The following CCDC97 variants were observed in gnomAD, a reference collection of about 807,000 sequenced individuals.
The protein encoded by CCDC97 is coiled-coil domain containing 97.
CCDC97 carries 27 observed loss-of-function variants against 33.9 expected under a neutral mutation model. The ratio of observed to expected loss-of-function variants is 0.80; its 90% CI spans 0.59 to 1.10. The LOEUF (loss-of-function observed/expected upper bound fraction) is 1.10, where lower values mean the gene tolerates loss of function less well. Ranked by LOEUF, CCDC97 falls within the 50% of genes least tolerant of loss-of-function variation. CCDC97 has a pLI of 0.00. For missense variants in CCDC97, 422 were observed against 476.6 expected, an observed-to-expected ratio of 0.89 and a Z score of 1.07; for synonymous variants, 217 against 194.0, an observed-to-expected ratio of 1.12 and a Z score of -0.99.
In CCDC97 at chr19:41,319,671, C is replaced by G. The variant is rs115805108; in HGVS notation, c.600C>G (p.Ala200=). 2.5e-6 allele frequency: 4 copies of G among 1,613,984 alleles called. No individual in the cohort carries two copies. The Admixed American group carries it at 5.0e-5, about 20-fold the overall frequency. The change falls in exon 3 of 5, where the codon GCC becomes GCG. Residue 200 remains alanine (A), a synonymous_variant. Coordinates refer to ENST00000269967, the MANE Select transcript of CCDC97 (RefSeq NM_052848.3). ...GQYLTQEELS[A]RTPTHQPPKP... is the part of the protein sequence containing the mutation. ...ATCTCACCCAGGAGGAGCTCAGTGC[C>G]CGCACCCCAACCCACCAGCCCCCCA... is the stretch of plus-strand genomic sequence containing the variant.
intron 1 of CCDC97, among the ~76,000 whole-genome samples, chr19:41,315,085 A>C (rs1265910285): frequency 1.3e-5 from 2 of 148,992 alleles, no homozygotes; most frequent in Non-Finnish European, 3.0e-5. Context: ...GTGGATCACG[A>C]GGTCAGGAGT....
intron 1 of CCDC97, among the ~76,000 whole-genome samples, chr19:41,315,791 AAAAAAT>A (rs1199878626): frequency 1.3e-5 from 2 of 152,002 alleles, no homozygotes; most frequent in South Asian, 4.2e-4. Context: ...CTTATCTCTT[AAAAAAT>A]AAAAATAAAA....
At chr19:41,318,898 T>C (rs1475434728) in intron 2 of CCDC97, among the ~76,000 whole-genome samples, 2 of 151,914 alleles carry the variant, frequency 1.3e-5, no homozygotes, top group Non-Finnish European at 2.9e-5. Flanking sequence ...TGTACACACA[T>C]ACACGCCCCA....
intron 1 of CCDC97, 127 bp downstream of exon 1, chr19:41,310,483 C>T: frequency 1.3e-6 from 2 of 1,500,432 alleles, no homozygotes; most frequent in South Asian, 1.3e-5. Flanking sequence ...CTTTACCGGT[C>T]CTCTTCACTA....
intron 1 of CCDC97, among the ~76,000 whole-genome samples, chr19:41,311,470 C>T (rs184225172): frequency 2.6e-4 from 39 of 152,200 alleles, no homozygotes; most frequent in South Asian, 1.9e-3. Flanking sequence ...CGGTGGCTTA[C>T]ACCTGTAATC....
intron 4 of CCDC97, 80 bp downstream of exon 4, chr19:41,320,550 T>C (rs1431637963): frequency 1.3e-6 from 2 of 1,565,140 alleles, no homozygotes; most frequent in Non-Finnish European, 1.8e-6. Context: ...CTTAACAAGC[T>C]GTGGGGGTCT....
chr19:41,322,570 C>T, intron 4 of CCDC97, 25 bp from the exon 5 acceptor site: 1 of 1,608,784 alleles, frequency 6.2e-7, no homozygotes, highest in Non-Finnish European at 8.5e-7. Flanking sequence ...GAGACCCAGT[C>T]CTTGACAGCC....
intron 4 of CCDC97, among the ~76,000 whole-genome samples, chr19:41,321,207 A>G (rs1452103509): frequency 6.6e-6 from 1 of 152,250 alleles, no homozygotes; most frequent in Non-Finnish European, 1.5e-5. Flanking sequence ...CATGGTCACC[A>G]GAGCCTCCTC....
chr19:41,319,410 G>A (rs940892032), intron 2 of CCDC97, among the ~76,000 whole-genome samples, 164 bp from the exon 3 acceptor site: 3 of 152,106 alleles, frequency 2.0e-5, no homozygotes, highest in African/African-American at 7.2e-5. Context: ...GTACTCACGC[G>A]CACCTCAGGT....
intron 1 of CCDC97, among the ~76,000 whole-genome samples, chr19:41,313,384 C>T (rs2123052903): frequency 1.3e-5 from 2 of 152,244 alleles, no homozygotes; most frequent in African/African-American, 4.8e-5. Context: ...TCCCTTACTT[C>T]CAGCACGTCA....
At chr19:41,310,587 A>T in intron 1 of CCDC97, 1 of 985,140 alleles carries the variant, frequency 1.0e-6, no homozygotes, top group Non-Finnish European at 1.2e-6. Flanking sequence ...TTCCAGACCA[A>T]TCCTTTCCAT....
At chr19:41,313,606 C>G (rs1281357616) in intron 1 of CCDC97, among the ~76,000 whole-genome samples, 1 of 152,198 alleles carries the variant, frequency 6.6e-6, no homozygotes, top group Non-Finnish European at 1.5e-5. Flanking sequence ...TCTCTATATT[C>G]TGTTTTCACG....
In CCDC97 at chr19:41,323,333, C is replaced by T. The variant is rs1276075963; in HGVS notation, c.*618C>T. The T allele has an allele frequency of 6.5e-6, 1 of 153,238 alleles. No individual in the cohort carries two copies. Among genetic ancestry groups the T allele is most frequent in the Non-Finnish European group, 1.5e-5 (1 of 68,606 alleles). The allele number at this position is 153,238 out of a possible 1,614,324, so 9.5% of individuals were successfully genotyped here. On this transcript the variant is annotated 3_prime_UTR_variant, in exon 5 of 5. Coordinates refer to ENST00000269967, the MANE Select transcript of CCDC97 (RefSeq NM_052848.3). ...CTTCTTTCTACTTGTACATTTCCAC[C>T]TCTCTAGGCCTCTGCTCTCACTGTC...
In CCDC97 at chr19:41,316,791, A is replaced by G. The variant is rs989888617; in HGVS notation, c.454A>G (p.Thr152Ala). The G allele has an allele frequency of 6.2e-7, 1 of 1,601,798 alleles. No individual in the cohort carries two copies. Among genetic ancestry groups the G allele is most frequent in the Non-Finnish European group, 8.5e-7 (1 of 1,170,784 alleles). ...CACTGCCCGGCCCCGCACCCTGCGTACCCGCCTGCGTAACCGGCGCTATGC... is the reference window on the plus strand; with the variant it reads ...CACTGCCCGGCCCCGCACCCTGCGTGCCCGCCTGCGTAACCGGCGCTATGC... ...QGTARPRTLRTRLRNRRYAAL... is the reference protein window; with the variant it reads ...QGTARPRTLRARLRNRRYAAL... Residue 152 changes from threonine to alanine, a missense_variant, in exon 2 of 5, where the codon ACC (threonine) becomes GCC (alanine). Physicochemically the swap from Thr to Ala is moderately conservative, Grantham distance 58 (BLOSUM62 0). Coordinates refer to ENST00000269967, the MANE Select transcript of CCDC97 (RefSeq NM_052848.3).
intron 1 of CCDC97, among the ~76,000 whole-genome samples, chr19:41,311,417 C>T (rs2037682569): frequency 1.3e-5 from 2 of 151,830 alleles, no homozygotes; most frequent in Non-Finnish European, 2.9e-5. Context: ...GCAACATAGC[C>T]AGACCCCATC....
chr19:41,316,885 G>A (rs769538364), intron 2 of CCDC97, 46 bp downstream of exon 2: 2 of 1,392,308 alleles, frequency 1.4e-6, no homozygotes, highest in East Asian at 4.6e-5. Context: ...GGGGAGGGAG[G>A]GGAGACTGAG....
At chr19:41,311,553 C>T (rs1224735720) in intron 1 of CCDC97, among the ~76,000 whole-genome samples, 2 of 152,030 alleles carry the variant, frequency 1.3e-5, no homozygotes, top group East Asian at 1.9e-4. Context: ...GCCAACATAG[C>T]GAAACCCCAT....
chr19:41,322,822 C>G lies in CCDC97; in HGVS notation c.*107C>G. The G allele has an allele frequency of 7.8e-7, 1 of 1,283,038 alleles. No individual in the cohort carries two copies. Among genetic ancestry groups the G allele is most frequent in the Non-Finnish European group, 1.1e-6 (1 of 926,422 alleles). 79.5% of individuals were successfully genotyped at this position (1,283,038 alleles called of 1,614,324 possible). A position where few individuals can be genotyped will look rare whatever the true frequency, so the allele number is the denominator to read the frequency against. ...TCTAGGGGGACATCAGGGCAGTGCC[C>G]CACAACCCACACACACCACCATCTC... On this transcript the variant is annotated 3_prime_UTR_variant, in exon 5 of 5. Coordinates refer to ENST00000269967, the MANE Select transcript of CCDC97 (RefSeq NM_052848.3).
At chr19:41,319,997 A>C (rs1568470198) in intron 3 of CCDC97, 145 bp downstream of exon 3, 1 of 608,216 alleles carries the variant, frequency 1.6e-6, no homozygotes, top group Non-Finnish European at 2.9e-6. Flanking sequence ...CTCTCTGTGT[A>C]TGCCCTTCCA....
Sources: allele counts gnomAD v4.1 joint callset (sites outside exome capture counted in the v4.1 genomes callset), GRCh38; gene constraint gnomAD v4.1.1; transcripts MANE v1.5; gene names NCBI Gene and HGNC (gene_info 2026-07-23, HGNC 2026-07-21).